The following GAB1 variants were observed in gnomAD, a reference collection of about 807,000 sequenced individuals.
GAB1 encodes the protein GRB2-associated-binding protein 1.
A neutral mutation model predicts 66.5 loss-of-function variants in GAB1; 19 were observed. The ratio of observed to expected loss-of-function variants is 0.29; its 90% CI spans 0.20 to 0.42. The LOEUF (loss-of-function observed/expected upper bound fraction) is 0.42. Among genes scored for constraint, GAB1 ranks in the 10% least tolerant of loss-of-function variants. The probability of loss-of-function intolerance (pLI) is 1.00; values close to 1 mark genes in which losing one functional copy is unlikely to be tolerated. For synonymous variants in GAB1, 294 were observed against 301.4 expected (o/e 0.98, Z 0.25); for missense variants, 732 against 858.5 (o/e 0.85, Z 1.84).
At chr4:143,444,200 T>C (rs972964525) in intron 6 of GAB1, among the ~76,000 whole-genome samples, 2 of 152,220 alleles carry the variant, frequency 1.3e-5, no homozygotes, top group African/African-American at 4.8e-5. Flanking sequence ...ATAAATCTAG[T>C]ATATTAAATC....
At chr4:143,443,817 C>T (rs922561845) in intron 6 of GAB1, among the ~76,000 whole-genome samples, 2 of 152,118 alleles carry the variant, frequency 1.3e-5, no homozygotes, top group African/African-American at 4.8e-5. Context: ...TAGATGTCAG[C>T]TGCTGTAGTT....
At chr4:143,381,387 G>A (rs1730647249) in intron 1 of GAB1, among the ~76,000 whole-genome samples, 1 of 152,122 alleles carries the variant, frequency 6.6e-6, no homozygotes, top group South Asian at 2.1e-4. Context: ...GCCTCTTTAA[G>A]GTGTTAGGCA....
chr4:143,348,734 C>T (rs1194199520), intron 1 of GAB1, among the ~76,000 whole-genome samples: 1 of 152,224 alleles, frequency 6.6e-6, no homozygotes, highest in South Asian at 2.1e-4. Flanking sequence ...TGCCTCTTCC[C>T]TTGGCTTGCA....
chr4:143,459,658 A>AT (rs1735381069), intron 7 of GAB1, among the ~76,000 whole-genome samples, 180 bp downstream of exon 7: 1 of 152,016 alleles, frequency 6.6e-6, no homozygotes, highest in South Asian at 2.1e-4. Context: ...TATTTTCTGT[A>AT]TTTTTTCTCC....
intron 1 of GAB1, chr4:143,349,921 T>C (rs1729129869): frequency 3.8e-6 from 6 of 1,590,792 alleles, no homozygotes; most frequent in Non-Finnish European, 4.3e-6. Flanking sequence ...ATAGATCTCC[T>C]CCAGGGACTT....
chr4:143,460,320 T>G, intron 7 of GAB1, 44 bp from the exon 8 acceptor site: 1 of 1,597,406 alleles, frequency 6.3e-7, no homozygotes, highest in Non-Finnish European at 8.6e-7. Flanking sequence ...ATTTTAGATA[T>G]TTTTGTCAAG....
At chr4:143,348,961 ACTC>A (rs1729081511) in intron 1 of GAB1, among the ~76,000 whole-genome samples, 2 of 151,454 alleles carry the variant, frequency 1.3e-5, no homozygotes, top group African/African-American at 2.4e-5. Context: ...CCTTCTCTGA[ACTC>A]CACCACCACT....
chr4:143,433,985 A>C lies in GAB1; in HGVS notation c.593+269A>C, dbSNP rs1733811253. On this transcript the variant is annotated intron_variant, in intron 3 of 9. Transcript: ENST00000262994. ...AGGCTCTTTTGGAAATCTGTCTCCT[A>C]TTTTGTAGTCTTTGTTACAGACTCA... 7 of 695,418 alleles carry C rather than the reference A, an allele frequency of 1.0e-5. No homozygotes were observed. In the South Asian group the frequency reaches 1.3e-4, roughly 13 times the overall value. 43.1% of individuals were successfully genotyped at this position (695,418 alleles called of 1,614,324 possible).
intron 2 of GAB1, among the ~76,000 whole-genome samples, chr4:143,419,814 GT>G (rs1732918712): frequency 6.6e-6 from 1 of 152,076 alleles, no homozygotes. Context: ...TGAAGTATTT[GT>G]TGAGTTTCTT....
intron 1 of GAB1, among the ~76,000 whole-genome samples, chr4:143,413,519 TATA>T (rs770015898): frequency 6.6e-6 from 1 of 152,174 alleles, no homozygotes; most frequent in Non-Finnish European, 1.5e-5. Flanking sequence ...TAAAGACCTA[TATA>T]ATGTTTTTAG....
At chr4:143,407,365 T>C (rs1245846638) in intron 1 of GAB1, among the ~76,000 whole-genome samples, 2 of 151,984 alleles carry the variant, frequency 1.3e-5, no homozygotes, top group Non-Finnish European at 2.9e-5. Flanking sequence ...TTATATGCAC[T>C]ATTACTGAGA....
intron 1 of GAB1, among the ~76,000 whole-genome samples, chr4:143,403,299 T>G (rs751882936): frequency 5.0e-4 from 76 of 152,226 alleles, no homozygotes; most frequent in Admixed American, 2.6e-4. Flanking sequence ...CCTCAAGCAT[T>G]AAATCATGCA....
chr4:143,387,066 C>T (rs1421281869), intron 1 of GAB1, among the ~76,000 whole-genome samples: 1 of 152,146 alleles, frequency 6.6e-6, no homozygotes, highest in East Asian at 1.9e-4. Flanking sequence ...GAACTTTGTA[C>T]TTAGGCATAC....
At chr4:143,361,934 T>G (rs1239973978) in intron 1 of GAB1, among the ~76,000 whole-genome samples, 1 of 151,950 alleles carries the variant, frequency 6.6e-6, no homozygotes, top group Non-Finnish European at 1.5e-5. Context: ...TGTTTTTTGT[T>G]TTTTTTAAGA....
chr4:143,356,520 A>T (rs1234542534), intron 1 of GAB1, among the ~76,000 whole-genome samples: 1 of 152,210 alleles, frequency 6.6e-6, no homozygotes, highest in Non-Finnish European at 1.5e-5. Flanking sequence ...TATCAAAATG[A>T]AACTCTGTAT....
At chr4:143,421,698 C>CTTTT (rs70953733) in intron 2 of GAB1, among the ~76,000 whole-genome samples, 1,353 of 118,496 alleles carry the variant, frequency 0.011, 17 homozygotes, top group East Asian at 0.022. Flanking sequence ...CTTTTCTTTT[C>CTTTT]TTTTTTTTTT....
chr4:143,350,006 G>A, intron 1 of GAB1: 3 of 1,572,492 alleles, frequency 1.9e-6, no homozygotes, highest in South Asian at 1.1e-5. Flanking sequence ...TTGCCTCCGC[G>A]ACCCCGGCCC....
intron 1 of GAB1, among the ~76,000 whole-genome samples, chr4:143,413,571 G>A (rs1224991474): frequency 6.6e-6 from 1 of 152,048 alleles, no homozygotes; most frequent in African/African-American, 2.4e-5. Flanking sequence ...TTAAAGGATT[G>A]CCTAAATTTT....
intron 1 of GAB1, among the ~76,000 whole-genome samples, chr4:143,372,907 C>T (rs572223548): frequency 1.5e-4 from 23 of 152,340 alleles, no homozygotes; most frequent in Admixed American, 1.3e-4. Context: ...TTAATTTCCT[C>T]TTAAAATGAT....
Sources: allele counts gnomAD v4.1 joint callset (sites outside exome capture counted in the v4.1 genomes callset), GRCh38; gene constraint gnomAD v4.1.1; transcripts MANE v1.5; gene names NCBI Gene and HGNC (gene_info 2026-07-23, HGNC 2026-07-21).